Variants in RAB21 observed in about 807,000 individuals in gnomAD.
RAB21 encodes RAB21, member RAS oncogene family, also known as ras-related protein Rab-21.
Under a neutral mutation model 33.1 loss-of-function variants are expected in RAB21, and 13 were observed. That is an observed-to-expected ratio of 0.39 (90% CI 0.26 to 0.62). The LOEUF (loss-of-function observed/expected upper bound fraction) is 0.62. RAB21 is among the 20% of genes least tolerant of loss of function. The pLI, the probability that RAB21 is intolerant of heterozygous loss-of-function variation, is 0.48. For missense variants in RAB21, 234 were observed against 279.1 expected, an observed-to-expected ratio of 0.84 and a Z score of 1.15; for synonymous variants, 91 against 103.7, an observed-to-expected ratio of 0.88 and a Z score of 0.74.
In RAB21 at chr12:71,794,023, A is replaced by C. The variant is rs574241790; in HGVS notation, c.*8350A>C. The C allele has an allele frequency of 6.6e-6, 1 of 152,214 alleles. No homozygotes were observed. The highest frequency in any genetic ancestry group is 2.1e-4 in the South Asian group (1 of 4,818). 9.4% of individuals were successfully genotyped at this position (152,214 alleles called of 1,614,324 possible). On this transcript the variant is annotated 3_prime_UTR_variant, in exon 7 of 7. Transcript: ENST00000261263. ...CCCTTAAACCCAGGAATTCAAGACC[A>C]GTGTAGACAACATGGCGAAACCCCA...
chr12:71,755,237 G>T lies in RAB21; in HGVS notation c.108G>T (p.Val36=). The change falls in exon 1 of 7, where the codon GTG becomes GTT. Residue 36 remains valine, a synonymous_variant. Coordinates refer to ENST00000261263, the MANE Select transcript of RAB21 (RefSeq NM_014999.4). ...GCTGCGTGGGGAAGACGTCGCTGGT[G>T]CTGCGCTACTGCGAGAACAAGTTTA... ...GEGCVGKTSL[V]LRYCENKFND... 1 of 1,547,540 alleles carries T rather than the reference G, an allele frequency of 6.5e-7. No individual in the cohort carries two copies. Among genetic ancestry groups the T allele is most frequent in the Non-Finnish European group, 8.7e-7 (1 of 1,151,112 alleles).
chr12:71,780,675 G>A (rs1187727845), intron 4 of RAB21, among the ~76,000 whole-genome samples: 1 of 152,166 alleles, frequency 6.6e-6, no homozygotes, highest in Admixed American at 6.5e-5. Context: ...TCTTGCAGTT[G>A]CCAGCAACTA....
rs937487414 is a variant in RAB21, at chr12:71,792,526, G to C, written c.*6853G>C. On this transcript the variant is annotated 3_prime_UTR_variant, in exon 7 of 7. Transcript: ENST00000261263. ...TGTGTGCTATGACACAAGGTTAAAC[G>C]TGTGCCCCAGAACAAATGCATTTAT... The C allele has an allele frequency of 6.6e-6, 1 of 152,186 alleles. No individual in the cohort carries two copies. Among genetic ancestry groups the C allele is most frequent in the African/African-American group, 2.4e-5 (1 of 41,436 alleles). 9.4% of individuals were successfully genotyped at this position (152,186 alleles called of 1,614,324 possible). A position where few individuals can be genotyped will look rare whatever the true frequency, so the allele number is the denominator to read the frequency against.
At chr12:71,781,950 C>T (rs987947502) in intron 4 of RAB21, 81 bp from the exon 5 acceptor site, 3 of 1,074,176 alleles carry the variant, frequency 2.8e-6, no homozygotes, top group Admixed American at 4.3e-5. Context: ...ATTAAAATGG[C>T]AATTTTATAT....
rs1428616498 is a variant in RAB21 at position 71,795,206 on chromosome 12, T to C, written c.*9533T>C. On this transcript the variant is annotated 3_prime_UTR_variant, in exon 7 of 7. Transcript: ENST00000261263. ...TTAGAGAAATAAAAATGAGCAAGAT[T>C]TGTGATTCAGAATATTAAAAGTTAA... is the stretch of plus-strand genomic sequence containing the variant. 1.3e-5 allele frequency: 2 copies of C among 152,222 alleles called. No individual in the cohort carries two copies. Among genetic ancestry groups the C allele is most frequent in the Non-Finnish European group, 2.9e-5 (2 of 68,034 alleles). The allele number at this position is 152,222 out of a possible 1,614,324, so 9.4% of individuals were successfully genotyped here. A position where few individuals can be genotyped will look rare whatever the true frequency, so the allele number is the denominator to read the frequency against.
chr12:71,763,129 A>AC (rs71068799), intron 1 of RAB21, among the ~76,000 whole-genome samples: 2 of 139,190 alleles, frequency 1.4e-5, no homozygotes, highest in African/African-American at 2.6e-5. Context: ...ACACACACAC[A>AC]ATCTTACTAT....
intron 1 of RAB21, among the ~76,000 whole-genome samples, chr12:71,758,642 G>C (rs1305217986): frequency 1.3e-5 from 1 of 77,694 alleles, no homozygotes; most frequent in Non-Finnish European, 3.3e-5. Flanking sequence ...CACCATGCTC[G>C]GCTAATTTTT....
chr12:71,764,160 A>T (rs914601326), intron 1 of RAB21, among the ~76,000 whole-genome samples: 1 of 152,086 alleles, frequency 6.6e-6, no homozygotes, highest in East Asian at 1.9e-4. Context: ...CTTTACTGAG[A>T]TGTTGCCAGG....
At chr12:71,764,403 T>A (rs1221347055) in intron 1 of RAB21, among the ~76,000 whole-genome samples, 1 of 152,192 alleles carries the variant, frequency 6.6e-6, no homozygotes, top group Non-Finnish European at 1.5e-5. Context: ...GTAGAGGTGG[T>A]TAAAAAAGAA....
chr12:71,757,987 G>A (rs906050574), intron 1 of RAB21, among the ~76,000 whole-genome samples: 1 of 151,294 alleles, frequency 6.6e-6, no homozygotes, highest in South Asian at 2.1e-4. Context: ...ATTATGGAAA[G>A]TGGAAAGCTC....
At chr12:71,768,957 A>G (rs765558413) in intron 1 of RAB21, among the ~76,000 whole-genome samples, 6 of 152,104 alleles carry the variant, frequency 3.9e-5, no homozygotes. Context: ...GTCTAAATAC[A>G]TGTCTGGTGT....
At chr12:71,771,618 C>T (rs960598900) in intron 3 of RAB21, among the ~76,000 whole-genome samples, 2 of 152,150 alleles carry the variant, frequency 1.3e-5, no homozygotes, top group Non-Finnish European at 2.9e-5. Context: ...TATTTTGGTG[C>T]TGCTGTTTGT....
chr12:71,797,243 T>C lies in RAB21; in HGVS notation c.*11570T>C, dbSNP rs192129059. The C allele has an allele frequency of 6.6e-6, 1 of 152,286 alleles. No homozygotes were observed. Among genetic ancestry groups the C allele is most frequent in the East Asian group, 1.9e-4 (1 of 5,180 alleles). 9.4% of individuals were successfully genotyped at this position (152,286 alleles called of 1,614,324 possible). A position where few individuals can be genotyped will look rare whatever the true frequency, so the allele number is the denominator to read the frequency against. On this transcript the variant is annotated 3_prime_UTR_variant, in exon 7 of 7. Transcript: ENST00000261263. ...AGGTAAAGTTAGTATTTGTAGATGA[T>C]AGTGCAAAGCTTAAAAGGGTCAACT... is the stretch of plus-strand genomic sequence containing the variant.
intron 1 of RAB21, among the ~76,000 whole-genome samples, chr12:71,759,321 A>C (rs1170850230): frequency 1.3e-5 from 2 of 152,206 alleles, no homozygotes; most frequent in African/African-American, 2.4e-5. Flanking sequence ...TTGTCATCTG[A>C]AAGTTAGGTA....
intron 3 of RAB21, 69 bp from the exon 4 acceptor site, chr12:71,773,890 T>G (rs1279473306): frequency 9.1e-7 from 1 of 1,097,376 alleles, no homozygotes; most frequent in Non-Finnish European, 1.4e-6. Flanking sequence ...AGTGTTGAGT[T>G]TTTTGGGTGT....
At chr12:71,781,956 T>C in intron 4 of RAB21, 75 bp from the exon 5 acceptor site, 1 of 1,162,478 alleles carries the variant, frequency 8.6e-7, no homozygotes. Context: ...ATGGCAATTT[T>C]ATATTTAGAA....
chr12:71,784,443 G>A (rs1883250075), intron 6 of RAB21, among the ~76,000 whole-genome samples: 1 of 151,452 alleles, frequency 6.6e-6, no homozygotes, highest in African/African-American at 2.4e-5. Flanking sequence ...TTTGTTTCAT[G>A]TCTTACATTT....
rs564306196 is a variant in RAB21, at chr12:71,778,197, C to T, written c.392-3834C>T. Among the ~76,000 whole-genome samples the T allele has an allele frequency of 3.9e-4, 60 of 152,236 alleles. 1 individual carries two copies. Among genetic ancestry groups the T allele is most frequent in the Non-Finnish European group, 7.4e-4 (50 of 68,010 alleles). On this transcript the variant is annotated intron_variant, in intron 4 of 6. Coordinates refer to ENST00000261263, the MANE Select transcript of RAB21 (RefSeq NM_014999.4). ...CATGTGCTAACCAGTAATAGAGAAC[C>T]ACATGTTTCAATAGCAGAGACTTTT...
rs768739490 is a variant in RAB21, at chr12:71,769,866, G to A, written c.219+7G>A. 7.4e-7 allele frequency: 1 copy of A among 1,345,234 alleles called. No homozygotes were observed. Among genetic ancestry groups the A allele is most frequent in the South Asian group, 2.0e-5 (1 of 50,482 alleles). 83.3% of individuals were successfully genotyped at this position (1,345,234 alleles called of 1,614,324 possible). ...AGTAAACCTTGCCATATGGGTAAGT[G>A]AACTTTTTCAACTATTATGCGTGGA... On this transcript the variant is annotated splice_region_variant and intron_variant, in intron 2 of 6. Transcript: ENST00000261263.
Sources: gnomAD v4.1 joint callset for allele counts (sites outside exome capture counted in the v4.1 genomes callset) on GRCh38, gnomAD v4.1.1 for gene constraint, MANE v1.5 for transcripts, NCBI Gene and HGNC (gene_info 2026-07-23, HGNC 2026-07-21) for gene names.